SCNN1B: variants seen among roughly 807,000 people sequenced by gnomAD.
SCNN1B encodes epithelial sodium channel subunit beta.
Under a neutral mutation model 65.3 loss-of-function variants are expected in SCNN1B, and 46 were observed. The ratio of observed to expected loss-of-function variants is 0.70; its 90% confidence interval spans 0.56 to 0.90. The LOEUF is 0.90. Ranked by LOEUF, SCNN1B falls within the 40% of genes least tolerant of loss-of-function variation. SCNN1B has a pLI of 0.00. For synonymous variants in SCNN1B, 349 were observed against 330.6 expected (o/e 1.06, Z -0.60); for missense variants, 751 against 830.5 (o/e 0.90, Z 1.18).
At chr16:23,360,226 AAAC>A (rs1271248510) in intron 4 of SCNN1B, among the ~76,000 whole-genome samples, 1 of 150,202 alleles carries the variant, frequency 6.7e-6, no homozygotes, top group African/African-American at 2.5e-5. Flanking sequence ...ATAAATAAAT[AAAC>A]AAATAAATAA....
chr16:23,380,170 G>C lies in SCNN1B; in HGVS notation c.1542+1G>C. 6.2e-7 allele frequency: 1 copy of C among 1,613,120 alleles called. No individual in the cohort carries two copies. The highest frequency in any genetic ancestry group is 8.5e-7 in the Non-Finnish European group (1 of 1,179,138). On this transcript the variant is annotated splice_donor_variant, in intron 12 of 12. Transcript: ENST00000343070. LOFTEE classifies it high-confidence loss of function. The surrounding 1 kb of genome is among the most constrained non-coding windows in gnomAD (Gnocchi z 5.4). ...CATTGAAGAATCAGCAGCCAATAAC[G>C]TGAGTTTAGGAGTCTCCCAATACCC...
chr16:23,349,492 T>C (rs1193022910), intron 2 of SCNN1B, among the ~76,000 whole-genome samples: 5 of 151,986 alleles, frequency 3.3e-5, no homozygotes, highest in Admixed American at 1.3e-4. Context: ...TAATTAAAAA[T>C]AAAAACAAGA....
intron 4 of SCNN1B, among the ~76,000 whole-genome samples, chr16:23,366,147 T>G (rs1176155244): frequency 6.6e-6 from 1 of 152,236 alleles, no homozygotes; most frequent in Non-Finnish European, 1.5e-5. Context: ...TTTATGTGTG[T>G]GCATTATTTG....
chr16:23,320,050 T>C (rs1013380216), intron 1 of SCNN1B, among the ~76,000 whole-genome samples: 1 of 152,120 alleles, frequency 6.6e-6, no homozygotes, highest in Non-Finnish European at 1.5e-5. Context: ...CCCGGCCACG[T>C]CTCAAATGTT....
intron 2 of SCNN1B, among the ~76,000 whole-genome samples, chr16:23,294,182 G>C (rs868094631): frequency 6.6e-5 from 10 of 152,036 alleles, no homozygotes; most frequent in Middle Eastern, 3.4e-3. Flanking sequence ...CAACATAACA[G>C]AACCCCATCT....
intron 1 of SCNN1B, among the ~76,000 whole-genome samples, chr16:23,305,557 TATATATATATATATATATATTA>T (rs1567290333): frequency 0.045 from 2,637 of 58,706 alleles, 219 homozygotes; most frequent in Non-Finnish European, 0.057. Flanking sequence ...TATATATATA[TATATATATATATATATATATTA>T]TATATATATA....
chr16:23,377,560 T>A (rs1397463860), intron 10 of SCNN1B, among the ~76,000 whole-genome samples, 174 bp downstream of exon 10: 1 of 44,298 alleles, frequency 2.3e-5, no homozygotes, highest in Non-Finnish European at 5.5e-5. Context: ...CTTCCTTCCT[T>A]CCTCCTCTCT....
chr16:23,293,744 T>G (rs570132585), intron 2 of SCNN1B, among the ~76,000 whole-genome samples: 1 of 151,496 alleles, frequency 6.6e-6, no homozygotes, highest in Non-Finnish European at 1.5e-5. Context: ...CGGGGCAACA[T>G]AGGGAGACCC....
At chr16:23,343,491 G>GAAGGAAGGAAGGAA (rs1962099696) in intron 1 of SCNN1B, among the ~76,000 whole-genome samples, 2 of 118,292 alleles carry the variant, frequency 1.7e-5, no homozygotes, top group African/African-American at 6.3e-5. Context: ...AGGAAGGAAG[G>GAAGGAAGGAAGGAA]AAGGAAGGAA....
chr16:23,281,293 C>T (rs566803799), intron 1 of SCNN1B, among the ~76,000 whole-genome samples: 119 of 152,154 alleles, frequency 7.8e-4, no homozygotes, highest in Non-Finnish European at 1.3e-3. Flanking sequence ...ATGAGCTGGG[C>T]GTAGTGGCTG....
At chr16:23,301,537 G>A (rs1273595794), upstream of SCNN1B, among the ~76,000 whole-genome samples, 1 of 152,098 alleles carries the variant, frequency 6.6e-6, no homozygotes, top group Non-Finnish European at 1.5e-5. Flanking sequence ...GAAATATACA[G>A]GAAACTAAGT....
At chr16:23,357,082 ATCC>A (rs767264135) in intron 4 of SCNN1B, among the ~76,000 whole-genome samples, 4 of 152,190 alleles carry the variant, frequency 2.6e-5, no homozygotes, top group Non-Finnish European at 4.4e-5. Flanking sequence ...ATTCGATGGT[ATCC>A]TCCTTGATCT....
At chr16:23,319,186 C>G (rs1262346683) in intron 1 of SCNN1B, among the ~76,000 whole-genome samples, 1 of 151,980 alleles carries the variant, frequency 6.6e-6, no homozygotes, top group East Asian at 1.9e-4. Flanking sequence ...GACTACAGGC[C>G]TGTGCCACCA....
chr16:23,297,171 A>G lies in SCNN1B; in HGVS notation n.178+13367A>G, dbSNP rs577724026. Among the ~76,000 whole-genome samples the G allele has an allele frequency of 2.6e-5, 4 of 152,270 alleles. No homozygotes were observed. In the East Asian group the frequency reaches 7.7e-4, roughly 29 times the overall value. ...ACCCTCTGTCTCAGGAGGGTAGCAC[A>G]TGCCTCAAGCCATGGCTTCCCTTTC... On this transcript the variant is annotated intron_variant and non_coding_transcript_variant, in intron 2 of 3. Transcript: ENST00000569789.
chr16:23,326,533 C>T (rs899554395), intron 1 of SCNN1B, among the ~76,000 whole-genome samples: 3 of 151,432 alleles, frequency 2.0e-5, no homozygotes, highest in Non-Finnish European at 2.9e-5. Flanking sequence ...GGTGTGATTT[C>T]GGCTCACTGC....
rs199830141 is a variant in SCNN1B, at chr16:23,333,107, AAGGGAGGGAGGG to A, written c.-8-15465_-8-15454del. 5.6e-5 allele frequency among the ~76,000 whole-genome samples: 6 copies of A among 106,910 alleles called. 1 individual carries two copies. Among genetic ancestry groups the A allele is most frequent in the East Asian group, 2.8e-4 (1 of 3,622 alleles). The allele number at this position is 106,910 out of a possible 152,430, so 70.1% of individuals were successfully genotyped here. On this transcript the variant is annotated intron_variant, in intron 1 of 12. Coordinates refer to ENST00000343070, the MANE Select transcript of SCNN1B (RefSeq NM_000336.3). ...AGAAGAAGAAAGGGAGGAAGGAAGG[AAGGGAGGGAGGG>A]AGGGAGGGAGGGAGGGAGGAAGGAA...
intron 1 of SCNN1B, among the ~76,000 whole-genome samples, chr16:23,308,248 T>C (rs530924294): frequency 7.8e-4 from 119 of 151,664 alleles, no homozygotes; most frequent in African/African-American, 2.7e-3. Flanking sequence ...ACAAGCCGGG[T>C]GCAGTGGCTC....
intron 2 of SCNN1B, among the ~76,000 whole-genome samples, chr16:23,296,276 G>A (rs1009285504): frequency 3.9e-5 from 6 of 152,304 alleles, no homozygotes; most frequent in African/African-American, 1.2e-4. Context: ...TCCAAGCCAA[G>A]CAGGAATAGG....
At chr16:23,304,232 C>A in intron 1 of SCNN1B, 1 of 691,794 alleles carries the variant, frequency 1.4e-6, no homozygotes, top group Admixed American at 2.3e-5. Flanking sequence ...CCACTGCTCA[C>A]ATACGGACCC....
Sources: allele counts gnomAD v4.1 joint callset (sites outside exome capture counted in the v4.1 genomes callset), GRCh38; gene constraint gnomAD v4.1.1; non-coding constraint Gnocchi (gnomAD v3.1); transcripts MANE v1.5; gene names NCBI Gene and HGNC (gene_info 2026-07-23, HGNC 2026-07-21).